The following FMN1 variants were observed in gnomAD, a reference collection of about 807,000 sequenced individuals.
FMN1 encodes formin 1.
In FMN1, 110 loss-of-function variants were observed where a neutral mutation model predicts 132.4. The observed-to-expected ratio is 0.83, with a 90% CI of 0.71 to 0.97. The LOEUF (loss-of-function observed/expected upper bound fraction) is 0.97, where lower values mean the gene tolerates loss of function less well. Ranked by LOEUF, FMN1 falls within the 50% of genes least tolerant of loss-of-function variation. The pLI is 0.00. For synonymous variants in FMN1, 722 were observed against 651.7 expected, an observed-to-expected ratio of 1.11 and a Z score of -1.64; for missense variants, 1,792 against 1,705.3, an observed-to-expected ratio of 1.05 and a Z score of -0.90.
chr15:32,888,215 T>C lies in FMN1; in HGVS notation c.3792A>G (p.Glu1264=). Residue 1264 remains glutamate, a synonymous_variant, in exon 16 of 21, where the codon GAA becomes GAG. Coordinates refer to ENST00000616417, the MANE Select transcript of FMN1 (RefSeq NM_001277313.2). ...GTTTTCTCAAATCTTTTATGAGGTCTTCAAACTTGACTTGGGAGGCCAGAA... is the reference window on the plus strand; with the variant it reads ...GTTTTCTCAAATCTTTTATGAGGTCCTCAAACTTGACTTGGGAGGCCAGAA... ...DFFLASQVKF[E]DLIKDLRKLK... 6.2e-7 allele frequency: 1 copy of C among 1,613,304 alleles called. No homozygotes were observed. Among genetic ancestry groups the C allele is most frequent in the Non-Finnish European group, 8.5e-7 (1 of 1,179,538 alleles).
chr15:32,787,247 A>G (rs1375912377), intron 19 of FMN1, among the ~76,000 whole-genome samples: 2 of 152,230 alleles, frequency 1.3e-5, no homozygotes, highest in African/African-American at 4.8e-5. Context: ...GCTATGTGGA[A>G]TGTTTCCAAA....
chr15:33,065,125 A>G (rs2037664155), intron 5 of FMN1, 51 bp from the exon 6 acceptor site: 4 of 1,260,046 alleles, frequency 3.2e-6, no homozygotes, highest in Non-Finnish European at 4.4e-6. Context: ...GAGCCGATTA[A>G]TTCCTGAAAA....
intron 7 of FMN1, among the ~76,000 whole-genome samples, chr15:33,004,773 A>G (rs915043189): frequency 1.3e-5 from 2 of 152,140 alleles, no homozygotes; most frequent in Admixed American, 6.5e-5. Flanking sequence ...CAATAGCAAA[A>G]ACTTGGAACC....
At chr15:32,780,314 A>G (rs1326978849) in intron 19 of FMN1, among the ~76,000 whole-genome samples, 2 of 152,210 alleles carry the variant, frequency 1.3e-5, no homozygotes, top group Non-Finnish European at 2.9e-5. Context: ...AATAGGTTGC[A>G]GTAAAGAAGC....
intron 17 of FMN1, among the ~76,000 whole-genome samples, chr15:32,845,903 T>C (rs1358609341): frequency 1.3e-5 from 2 of 152,112 alleles, no homozygotes; most frequent in Admixed American, 1.3e-4. Flanking sequence ...TGTTATCTAA[T>C]TTCATCTTCA....
At chr15:32,823,153 T>TG (rs1567224706) in intron 17 of FMN1, among the ~76,000 whole-genome samples, 2 of 6,178 alleles carry the variant, frequency 3.2e-4, no homozygotes, top group African/African-American at 5.0e-4. Flanking sequence ...GTTTCTACTG[T>TG]TTTTTTTTTT....
At chr15:33,144,705 T>C (rs945923298) in intron 4 of FMN1, among the ~76,000 whole-genome samples, 1 of 148,838 alleles carries the variant, frequency 6.7e-6, no homozygotes, top group African/African-American at 2.5e-5. Flanking sequence ...TCGATAAAGA[T>C]GCTATATAAG....
intron 4 of FMN1, among the ~76,000 whole-genome samples, chr15:33,134,451 G>A (rs1001013489): frequency 6.6e-6 from 1 of 152,158 alleles, no homozygotes; most frequent in Non-Finnish European, 1.5e-5. Context: ...TGTTTGGCAT[G>A]TAAATGCAGT....
chr15:33,128,267 T>C (rs1209405747), intron 4 of FMN1, among the ~76,000 whole-genome samples: 2 of 151,990 alleles, frequency 1.3e-5, no homozygotes, highest in African/African-American at 4.8e-5. Flanking sequence ...GAGCAATAAT[T>C]AGAAGCGCAA....
At chr15:32,947,149 T>C (rs138789223) in intron 9 of FMN1, among the ~76,000 whole-genome samples, 1,859 of 152,260 alleles carry the variant, frequency 0.012, 22 homozygotes, top group Middle Eastern at 0.082. Flanking sequence ...TTTCAAAAAT[T>C]ATTAAATGTT....
chr15:32,913,811 G>A (rs1184492148), intron 10 of FMN1, among the ~76,000 whole-genome samples: 3 of 152,204 alleles, frequency 2.0e-5, no homozygotes, highest in Non-Finnish European at 4.4e-5. Context: ...TACCAGGGGT[G>A]TAGCATGTAT....
At chr15:32,902,371 T>C (rs1419839522) in intron 12 of FMN1, among the ~76,000 whole-genome samples, 2 of 152,202 alleles carry the variant, frequency 1.3e-5, no homozygotes, top group Admixed American at 6.5e-5. Flanking sequence ...CCCCAGTCTT[T>C]AACACACGAG....
At chr15:32,931,286 C>T (rs1349960405) in intron 9 of FMN1, among the ~76,000 whole-genome samples, 2 of 152,156 alleles carry the variant, frequency 1.3e-5, no homozygotes, top group Non-Finnish European at 2.9e-5. Context: ...TGGGGGAATA[C>T]AGACATTCAA....
At chr15:32,991,657 C>T (rs1249576812) in intron 7 of FMN1, among the ~76,000 whole-genome samples, 1 of 152,130 alleles carries the variant, frequency 6.6e-6, no homozygotes, top group East Asian at 1.9e-4. Context: ...AGACACCTAA[C>T]TTTAAATGGC....
At chr15:33,074,640 T>C (rs904535382) in intron 5 of FMN1, among the ~76,000 whole-genome samples, 4 of 152,192 alleles carry the variant, frequency 2.6e-5, no homozygotes, top group East Asian at 3.8e-4. Flanking sequence ...CTGGGACATC[T>C]TGTGAAGCTT....
intron 17 of FMN1, among the ~76,000 whole-genome samples, chr15:32,849,811 C>T (rs1480220250): frequency 6.6e-6 from 1 of 152,150 alleles, no homozygotes; most frequent in Non-Finnish European, 1.5e-5. Flanking sequence ...CGCACACCAC[C>T]ATGTCCGGCT....
chr15:33,074,895 C>T (rs1454791008), intron 5 of FMN1, among the ~76,000 whole-genome samples: 1 of 151,704 alleles, frequency 6.6e-6, no homozygotes, highest in East Asian at 1.9e-4. Flanking sequence ...GTGGTGTGCG[C>T]CTGTAGTCCC....
intron 6 of FMN1, among the ~76,000 whole-genome samples, chr15:33,020,486 A>T (rs2035358616): frequency 6.6e-6 from 1 of 152,014 alleles, no homozygotes; most frequent in Non-Finnish European, 1.5e-5. Context: ...CGTCTCTACT[A>T]AAATACAAAA....
intron 4 of FMN1, among the ~76,000 whole-genome samples, chr15:33,093,764 A>G (rs1235930589): frequency 6.6e-6 from 1 of 152,262 alleles, no homozygotes; most frequent in Admixed American, 6.5e-5. Flanking sequence ...CAAATCAAAA[A>G]GTAGCAGAGA....
Sources: allele counts gnomAD v4.1 joint callset (sites outside exome capture counted in the v4.1 genomes callset), GRCh38; gene constraint gnomAD v4.1.1; transcripts MANE v1.5; gene names NCBI Gene and HGNC (gene_info 2026-07-23, HGNC 2026-07-21).